RASAL2: variants seen among roughly 807,000 people sequenced by gnomAD.
The protein encoded by RASAL2 is RAS protein activator like 2, also known as ras GTPase-activating protein nGAP.
Under a neutral mutation model 128.9 loss-of-function variants are expected in RASAL2, and 58 were observed. The ratio of observed to expected loss-of-function variants is 0.45; its 90% confidence interval spans 0.36 to 0.56. The LOEUF (loss-of-function observed/expected upper bound fraction) is 0.56. RASAL2 is among the 20% of genes least tolerant of loss of function. The pLI, the probability that RASAL2 is intolerant of heterozygous loss-of-function variation, is 0.00. For synonymous variants in RASAL2, 561 were observed against 580.8 expected (o/e 0.97, Z 0.49); for missense variants, 1,360 against 1,601.6 (o/e 0.85, Z 2.57).
At chr1:178,345,337 C>G (rs1670095982) in intron 3 of RASAL2, among the ~76,000 whole-genome samples, 1 of 152,070 alleles carries the variant, frequency 6.6e-6, no homozygotes, top group Non-Finnish European at 1.5e-5. Flanking sequence ...AATGTCAGAT[C>G]TTGGAAAATA....
intron 9 of RASAL2, among the ~76,000 whole-genome samples, chr1:178,449,745 ATAT>A (rs1677252177): frequency 6.6e-6 from 1 of 152,166 alleles, no homozygotes; most frequent in Non-Finnish European, 1.5e-5. Flanking sequence ...AGCATTTTAA[ATAT>A]GTGATAATCA....
chr1:178,471,619 CT>C (rs531647737), intron 17 of RASAL2, among the ~76,000 whole-genome samples: 1 of 151,048 alleles, frequency 6.6e-6, no homozygotes. Flanking sequence ...GTTGTTGTTT[CT>C]TTTTTTTTAA....
chr1:178,355,256 T>C (rs1161725782), intron 3 of RASAL2, among the ~76,000 whole-genome samples: 1 of 152,202 alleles, frequency 6.6e-6, no homozygotes, highest in Non-Finnish European at 1.5e-5. Context: ...ACTATATTAA[T>C]TGAGACAAAG....
Position 178,477,401 on chromosome 1 carries a change from A to C in RASAL2, c.*4162A>C, listed in dbSNP as rs1218028137. 6.6e-6 allele frequency: 1 copy of C among 152,228 alleles called. No individual in the cohort carries two copies. Among genetic ancestry groups the C allele is most frequent in the African/African-American group, 2.4e-5 (1 of 41,448 alleles). The allele number at this position is 152,228 out of a possible 1,614,324, so 9.4% of individuals were successfully genotyped here. On this transcript the variant is annotated 3_prime_UTR_variant, in exon 18 of 18. Coordinates refer to ENST00000367649, the MANE Select transcript of RASAL2 (RefSeq NM_170692.4). Reference sequence around the variant, plus strand: ...TTGAATGATTGTTATTAGTTCTAGAAGCATTCTCTTTGTCATGACCCGATT... The same window carrying C: ...TTGAATGATTGTTATTAGTTCTAGACGCATTCTCTTTGTCATGACCCGATT...
chr1:178,291,828 A>G (rs1478445497), intron 2 of RASAL2, among the ~76,000 whole-genome samples: 1 of 152,180 alleles, frequency 6.6e-6, no homozygotes, highest in Non-Finnish European at 1.5e-5. Flanking sequence ...CGAGGTCAGG[A>G]GTTCGAGACC....
chr1:178,456,419 G>C (rs891691242), intron 12 of RASAL2: 7 of 435,246 alleles, frequency 1.6e-5, no homozygotes, highest in Admixed American at 3.4e-5. Context: ...ATTTTAGTTG[G>C]AATGGCATTA....
At chr1:178,354,384 G>A (rs1052353331) in intron 3 of RASAL2, among the ~76,000 whole-genome samples, 7 of 152,134 alleles carry the variant, frequency 4.6e-5, no homozygotes, top group Non-Finnish European at 5.9e-5. Context: ...AAAACCCATC[G>A]ACAAATATAT....
intron 1 of RASAL2, among the ~76,000 whole-genome samples, chr1:178,118,464 C>A (rs1167607934): frequency 6.6e-6 from 1 of 152,134 alleles, no homozygotes; most frequent in Non-Finnish European, 1.5e-5. Flanking sequence ...GACAGTGACA[C>A]ACAAAGTGTG....
chr1:178,386,218 A>G (rs1215473354), intron 3 of RASAL2, among the ~76,000 whole-genome samples: 2 of 152,226 alleles, frequency 1.3e-5, no homozygotes, highest in East Asian at 1.9e-4. Context: ...GTGCGTTGAC[A>G]TAGAGGAATA....
At chr1:178,465,890 GTT>G in intron 15 of RASAL2, 28 bp from the exon 16 acceptor site, 3 of 1,447,252 alleles carry the variant, frequency 2.1e-6, no homozygotes, top group Non-Finnish European at 2.8e-6. Context: ...TGTGACTCTA[GTT>G]TTTGTCTCCT....
At chr1:178,467,488 C>G in intron 17 of RASAL2, 67 bp downstream of exon 17, 2 of 1,406,438 alleles carry the variant, frequency 1.4e-6, no homozygotes, top group Non-Finnish European at 2.0e-6. Context: ...GACTTCACAC[C>G]CTTGCAAATG....
At chr1:178,432,967 C>G (rs939376125) in intron 5 of RASAL2, among the ~76,000 whole-genome samples, 10 of 152,064 alleles carry the variant, frequency 6.6e-5, no homozygotes, top group Admixed American at 6.6e-4. Context: ...CTTCTACCAC[C>G]TAAAGCCTTC....
chr1:178,443,377 C>A (rs2102850755), intron 8 of RASAL2, 148 bp downstream of exon 8: 2 of 755,602 alleles, frequency 2.6e-6, no homozygotes, highest in South Asian at 2.6e-5. Flanking sequence ...CTATTAGATC[C>A]AGAAAAGATG....
intron 1 of RASAL2, among the ~76,000 whole-genome samples, chr1:178,208,710 C>G (rs565972712): frequency 6.6e-6 from 1 of 152,148 alleles, no homozygotes; most frequent in Non-Finnish European, 1.5e-5. Context: ...CTGCTTTTTG[C>G]GCTTTGAAGT....
At chr1:178,218,103 C>A (rs1008816552) in intron 1 of RASAL2, among the ~76,000 whole-genome samples, 1 of 152,088 alleles carries the variant, frequency 6.6e-6, no homozygotes, top group African/African-American at 2.4e-5. Flanking sequence ...CATCTTCAGG[C>A]TCCACTCCTA....
intron 1 of RASAL2, among the ~76,000 whole-genome samples, chr1:178,235,135 G>A (rs989641747): frequency 6.6e-6 from 1 of 152,076 alleles, no homozygotes; most frequent in African/African-American, 2.4e-5. Flanking sequence ...CAGTTTCTTG[G>A]ATACTTGTAT....
At chr1:178,095,709 AG>A in intron 1 of RASAL2, among the ~76,000 whole-genome samples, 1 of 152,304 alleles carries the variant, frequency 6.6e-6, no homozygotes, top group South Asian at 2.1e-4. Flanking sequence ...ACCAAGACTT[AG>A]GTTTTTTTCT....
chr1:178,214,299 G>GAATA (rs894123134), intron 1 of RASAL2, among the ~76,000 whole-genome samples: 3 of 151,866 alleles, frequency 2.0e-5, no homozygotes, highest in South Asian at 2.1e-4. Flanking sequence ...ATGAATGGAT[G>GAATA]AATAAATAAA....
intron 5 of RASAL2, among the ~76,000 whole-genome samples, chr1:178,436,635 G>A (rs1016558916): frequency 4.6e-5 from 7 of 152,104 alleles, no homozygotes; most frequent in Non-Finnish European, 1.0e-4. Flanking sequence ...GTACTTGCAA[G>A]GTGAGATATA....
Sources: gnomAD v4.1 joint callset for allele counts (sites outside exome capture counted in the v4.1 genomes callset) on GRCh38, gnomAD v4.1.1 for gene constraint, MANE v1.5 for transcripts, NCBI Gene and HGNC (gene_info 2026-07-23, HGNC 2026-07-21) for gene names.